The following XYLT1 variants were observed in gnomAD, a reference collection of about 807,000 sequenced individuals.
The protein encoded by XYLT1 is beta-D-xylosyltransferase 1.
A neutral mutation model predicts 91.3 loss-of-function variants in XYLT1; 36 were observed. The observed-to-expected ratio is 0.39, with a 90% CI of 0.30 to 0.52. The LOEUF (loss-of-function observed/expected upper bound fraction) is 0.52, where lower values mean the gene tolerates loss of function less well. XYLT1 is among the 20% of genes least tolerant of loss of function. The pLI is 0.68. For synonymous variants in XYLT1, 588 were observed against 532.0 expected (o/e 1.11, Z -1.45); for missense variants, 1,242 against 1,284.5 (o/e 0.97, Z 0.51).
intron 2 of XYLT1, among the ~76,000 whole-genome samples, chr16:17,323,417 C>T (rs1398305228): frequency 6.6e-6 from 1 of 152,194 alleles, no homozygotes. Context: ...ATAATTAAAA[C>T]CCCGGCTCCA....
intron 2 of XYLT1, among the ~76,000 whole-genome samples, chr16:17,308,757 G>T (rs752060557): frequency 2.0e-4 from 31 of 152,112 alleles, no homozygotes; most frequent in Non-Finnish European, 3.7e-4. Context: ...ATGAAGATTA[G>T]AAATCAATAG....
chr16:17,326,625 C>T (rs1404257446), intron 2 of XYLT1, among the ~76,000 whole-genome samples: 2 of 151,860 alleles, frequency 1.3e-5, no homozygotes, highest in Non-Finnish European at 2.9e-5. Flanking sequence ...AGATCGAGAC[C>T]ATCCTGGCTG....
intron 6 of XYLT1, among the ~76,000 whole-genome samples, chr16:17,157,955 G>A (rs9928859): frequency 0.45 from 68,109 of 151,996 alleles, 16,380 homozygotes; most frequent in Non-Finnish European, 0.53. Context: ...TACCATGTTG[G>A]TCAGGCTGGT....
rs980887618 is a variant in XYLT1, at chr16:17,275,858, A to C, written c.403-16360T>G. Among the ~76,000 whole-genome samples the C allele has an allele frequency of 3.3e-5, 5 of 152,172 alleles. No individual in the cohort carries two copies. In the South Asian group the frequency reaches 8.3e-4, roughly 25 times the overall value. On this transcript the variant is annotated intron_variant, in intron 2 of 11. Transcript: ENST00000261381. ...TTTGCCTGTGTGGGCCCTATCCCCC[A>C]CACACACCCTGCCACAGTGGGTAAT...
intron 2 of XYLT1, among the ~76,000 whole-genome samples, chr16:17,304,177 A>T (rs796644432): frequency 3.3e-5 from 5 of 152,174 alleles, no homozygotes; most frequent in African/African-American, 9.7e-5. Flanking sequence ...GGGAAAAAAA[A>T]GTAGATCAGA....
intron 4 of XYLT1, among the ~76,000 whole-genome samples, chr16:17,200,115 G>A (rs538674833): frequency 1.5e-3 from 235 of 152,076 alleles, no homozygotes; most frequent in African/African-American, 5.4e-3. Context: ...CAGCTACTTG[G>A]GAGGCTGAGG....
At chr16:17,190,451 C>G (rs576917008) in intron 5 of XYLT1, among the ~76,000 whole-genome samples, 12 of 132,022 alleles carry the variant, frequency 9.1e-5, no homozygotes, top group Admixed American at 4.5e-4. Flanking sequence ...CCCCTCCCCC[C>G]ACCCCACAAC....
chr16:17,364,350 T>C (rs957015336), intron 1 of XYLT1, among the ~76,000 whole-genome samples: 1 of 152,202 alleles, frequency 6.6e-6, no homozygotes, highest in Non-Finnish European at 1.5e-5. Flanking sequence ...AAACCCAGAC[T>C]GTCCCAGGAA....
At chr16:17,323,189 T>C (rs7205577) in intron 2 of XYLT1, among the ~76,000 whole-genome samples, 3,510 of 152,328 alleles carry the variant, frequency 0.023, 134 homozygotes, top group African/African-American at 0.079. Flanking sequence ...TGAGTTCTAA[T>C]TGATTTTCTA....
At chr16:17,157,227 C>A (rs1416740410) in intron 6 of XYLT1, among the ~76,000 whole-genome samples, 2 of 152,150 alleles carry the variant, frequency 1.3e-5, no homozygotes, top group African/African-American at 4.8e-5. Flanking sequence ...GGATTACAGG[C>A]CTTGAGTCAC....
Position 17,109,066 on chromosome 16 carries a change from A to G in XYLT1, c.2558-49T>C, listed in dbSNP as rs200752508. 1.5e-4 allele frequency: 218 copies of G among 1,475,632 alleles called. 1 individual carries two copies. The highest frequency in any genetic ancestry group is 1.2e-3 in the South Asian group (83 of 68,384). 91.4% of individuals were successfully genotyped at this position (1,475,632 alleles called of 1,614,324 possible). ...CAGGATCAGAAGAGCCACCAATAGG[A>G]TGCCTATTCATACTTACCCTGTGCC... On this transcript the variant is annotated intron_variant, in intron 11 of 11. Transcript: ENST00000261381.
At chr16:17,135,536 C>CTGAGTCAATA (rs1453242343) in intron 8 of XYLT1, among the ~76,000 whole-genome samples, 1 of 146,188 alleles carries the variant, frequency 6.8e-6, no homozygotes. Context: ...AAAGGACCTA[C>CTGAGTCAATA]TGAGTCAATA....
chr16:17,158,738 G>C, intron 6 of XYLT1, 91 bp downstream of exon 6: 1 of 1,394,368 alleles, frequency 7.2e-7, no homozygotes, highest in South Asian at 1.2e-5. Flanking sequence ...CAACCTTTCT[G>C]TGGCTGCATG....
At chr16:17,178,121 G>A (rs756543389) in intron 5 of XYLT1, among the ~76,000 whole-genome samples, 5 of 152,236 alleles carry the variant, frequency 3.3e-5, no homozygotes, top group South Asian at 2.1e-4. Flanking sequence ...GGAACTCTGC[G>A]GGGCTGGATA....
intron 3 of XYLT1, among the ~76,000 whole-genome samples, chr16:17,225,665 T>C (rs956770060): frequency 5.9e-5 from 9 of 152,010 alleles, no homozygotes; most frequent in Admixed American, 2.0e-4. Context: ...AAATGGAATA[T>C]AATTATGGTG....
intron 3 of XYLT1, among the ~76,000 whole-genome samples, chr16:17,255,337 G>A (rs1300428154): frequency 6.6e-6 from 1 of 152,052 alleles, no homozygotes; most frequent in East Asian, 1.9e-4. Context: ...GGAACATAGC[G>A]CATTTGTGTA....
intron 3 of XYLT1, among the ~76,000 whole-genome samples, chr16:17,219,235 C>T (rs1395087976): frequency 4.6e-5 from 6 of 130,556 alleles, no homozygotes; most frequent in African/African-American, 8.6e-5. Flanking sequence ...GTGCTGAGGT[C>T]GTGCCACTGT....
At chr16:17,394,707 A>T (rs1200452740) in intron 1 of XYLT1, among the ~76,000 whole-genome samples, 1 of 152,214 alleles carries the variant, frequency 6.6e-6, no homozygotes. Context: ...AGTGCTACTG[A>T]CCAGCTATGT....
chr16:17,168,605 T>C (rs1478670289), intron 5 of XYLT1, among the ~76,000 whole-genome samples: 2 of 152,130 alleles, frequency 1.3e-5, no homozygotes, highest in Non-Finnish European at 2.9e-5. Context: ...GTGACTTTTT[T>C]TTTTAAAGTT....
Sources: allele counts gnomAD v4.1 joint callset (sites outside exome capture counted in the v4.1 genomes callset), GRCh38; gene constraint gnomAD v4.1.1; transcripts MANE v1.5; gene names NCBI Gene and HGNC (gene_info 2026-07-23, HGNC 2026-07-21).